ZNF804A: variants seen among roughly 807,000 people sequenced by gnomAD.
ZNF804A encodes zinc finger protein 804A.
ZNF804A carries 2 observed loss-of-function variants against 16.5 expected under a neutral mutation model. That is an observed-to-expected ratio of 0.12 (90% confidence interval 0.05 to 0.38). The LOEUF (loss-of-function observed/expected upper bound fraction) is 0.38. Ranked by LOEUF, ZNF804A falls within the 10% of genes least tolerant of loss-of-function variation. ZNF804A has a pLI of 0.99. For missense variants in ZNF804A, 1,473 were observed against 1,390.7 expected (o/e 1.06, Z -0.94); for synonymous variants, 534 against 489.6 (o/e 1.09, Z -1.20).
chr2:184,700,024 T>C (rs1172505730), intron 1 of ZNF804A, among the ~76,000 whole-genome samples: 1 of 152,120 alleles, frequency 6.6e-6, no homozygotes, highest in African/African-American at 2.4e-5. Flanking sequence ...TGTGCTTATT[T>C]ATACCACTAA....
intron 2 of ZNF804A, among the ~76,000 whole-genome samples, chr2:184,908,882 A>G (rs1431167040): frequency 6.6e-6 from 1 of 152,152 alleles, no homozygotes; most frequent in Non-Finnish European, 1.5e-5. Context: ...GTAAAGGATT[A>G]AAGAACAGAT....
intron 1 of ZNF804A, among the ~76,000 whole-genome samples, chr2:184,651,036 A>T (rs1447794838): frequency 6.6e-6 from 1 of 152,146 alleles, no homozygotes; most frequent in African/African-American, 2.4e-5. Flanking sequence ...CCCAACTTCA[A>T]ATTATACTAT....
chr2:184,601,323 C>T (rs944895458), intron 1 of ZNF804A, among the ~76,000 whole-genome samples: 2 of 151,978 alleles, frequency 1.3e-5, no homozygotes, highest in Non-Finnish European at 2.9e-5. Context: ...AAAGAGCTGT[C>T]TATACTCACC....
intron 2 of ZNF804A, among the ~76,000 whole-genome samples, chr2:184,915,924 C>T (rs1485245979): frequency 6.6e-6 from 1 of 152,042 alleles, no homozygotes; most frequent in Non-Finnish European, 1.5e-5. Context: ...TAAATAATGA[C>T]TAGAACAAAA....
At chr2:184,678,489 T>C (rs1692477140) in intron 1 of ZNF804A, among the ~76,000 whole-genome samples, 1 of 152,138 alleles carries the variant, frequency 6.6e-6, no homozygotes, top group Non-Finnish European at 1.5e-5. Context: ...AACTTTGCAA[T>C]ATTTAAATGT....
At chr2:184,900,520 C>A (rs764817367) in intron 2 of ZNF804A, among the ~76,000 whole-genome samples, 8 of 152,070 alleles carry the variant, frequency 5.3e-5, no homozygotes, top group Non-Finnish European at 7.4e-5. Context: ...GCTGTAATAT[C>A]AGTATTTTTT....
chr2:184,785,962 C>T (rs563788187), intron 1 of ZNF804A, among the ~76,000 whole-genome samples: 2 of 152,050 alleles, frequency 1.3e-5, no homozygotes, highest in East Asian at 3.9e-4. Flanking sequence ...ATGATCAATA[C>T]TTGTTACGTT....
At chr2:184,760,161 G>C (rs530311692) in intron 1 of ZNF804A, among the ~76,000 whole-genome samples, 2 of 152,080 alleles carry the variant, frequency 1.3e-5, no homozygotes, top group Admixed American at 6.6e-5. Context: ...CCATCTGGGC[G>C]TATACATGCA....
intron 1 of ZNF804A, among the ~76,000 whole-genome samples, chr2:184,855,452 C>T (rs1695671303): frequency 6.6e-6 from 1 of 151,992 alleles, no homozygotes; most frequent in South Asian, 2.1e-4. Flanking sequence ...TCTCCTCCTC[C>T]AGCTATAATT....
At chr2:184,854,440 C>T (rs1256996213) in intron 1 of ZNF804A, among the ~76,000 whole-genome samples, 2 of 151,938 alleles carry the variant, frequency 1.3e-5, no homozygotes, top group Admixed American at 1.3e-4. Flanking sequence ...CCCTGTGATG[C>T]CTCATACAGG....
chr2:184,910,989 A>G, intron 2 of ZNF804A, among the ~76,000 whole-genome samples: 1 of 151,904 alleles, frequency 6.6e-6, no homozygotes, highest in East Asian at 1.9e-4. Context: ...AATTAGGTCC[A>G]CTTGTCAATT....
chr2:184,630,986 A>G (rs1407378511), intron 1 of ZNF804A, among the ~76,000 whole-genome samples: 3 of 152,170 alleles, frequency 2.0e-5, no homozygotes, highest in Non-Finnish European at 4.4e-5. Context: ...TAAAGAAAAT[A>G]TATTTTTGGT....
At chr2:184,786,963 A>G (rs1478039445) in intron 1 of ZNF804A, among the ~76,000 whole-genome samples, 2 of 152,022 alleles carry the variant, frequency 1.3e-5, no homozygotes, top group Non-Finnish European at 2.9e-5. Context: ...AAAAACTAAT[A>G]TTAATATACT....
At chr2:184,676,128 A>T (rs1396775442) in intron 1 of ZNF804A, among the ~76,000 whole-genome samples, 1 of 151,908 alleles carries the variant, frequency 6.6e-6, no homozygotes, top group African/African-American at 2.4e-5. Flanking sequence ...TAAAGAATTC[A>T]GTTTATTAAC....
chr2:184,748,769 G>A (rs1392416805), intron 1 of ZNF804A, among the ~76,000 whole-genome samples: 1 of 151,520 alleles, frequency 6.6e-6, no homozygotes, highest in Non-Finnish European at 1.5e-5. Flanking sequence ...TTTATATGGT[G>A]AAAGGTAAGT....
At chr2:184,769,342 T>C (rs1241264794) in intron 1 of ZNF804A, among the ~76,000 whole-genome samples, 1 of 152,118 alleles carries the variant, frequency 6.6e-6, no homozygotes, top group African/African-American at 2.4e-5. Flanking sequence ...TTCATGCCAT[T>C]ATTCTGAGGA....
At chr2:184,803,224 C>A (rs1254196136) in intron 1 of ZNF804A, among the ~76,000 whole-genome samples, 2 of 152,050 alleles carry the variant, frequency 1.3e-5, no homozygotes, top group Non-Finnish European at 2.9e-5. Context: ...CTAAAGTGCT[C>A]TTCAGGAGTT....
intron 1 of ZNF804A, among the ~76,000 whole-genome samples, chr2:184,716,799 G>A (rs971983849): frequency 6.6e-6 from 1 of 152,126 alleles, no homozygotes; most frequent in African/African-American, 2.4e-5. Flanking sequence ...GTGTGTACAC[G>A]CAACTGAGTT....
intron 1 of ZNF804A, among the ~76,000 whole-genome samples, chr2:184,865,021 A>G (rs1695853510): frequency 1.3e-5 from 2 of 151,696 alleles, no homozygotes; most frequent in Non-Finnish European, 2.9e-5. Flanking sequence ...CTGGGATTAC[A>G]GGTGCCTGCC....
Sources: gnomAD v4.1 joint callset for allele counts (sites outside exome capture counted in the v4.1 genomes callset) on GRCh38, gnomAD v4.1.1 for gene constraint, MANE v1.5 for transcripts, NCBI Gene and HGNC (gene_info 2026-07-23, HGNC 2026-07-21) for gene names.